Variants in NELL1 observed in about 807,000 individuals in gnomAD.
The protein encoded by NELL1 is neural EGFL like 1.
Under a neutral mutation model 107.4 loss-of-function variants are expected in NELL1, and 76 were observed. The ratio of observed to expected loss-of-function variants is 0.71; its 90% confidence interval spans 0.59 to 0.86. The LOEUF (loss-of-function observed/expected upper bound fraction) is 0.86, where lower values mean the gene tolerates loss of function less well. NELL1 is among the 40% of genes least tolerant of loss of function. NELL1 has a pLI of 0.00. For synonymous variants in NELL1, 353 were observed against 341.2 expected (o/e 1.03, Z -0.38); for missense variants, 1,024 against 1,005.5 (o/e 1.02, Z -0.25).
intron 14 of NELL1, among the ~76,000 whole-genome samples, chr11:21,251,995 A>C (rs2133911497): frequency 6.6e-6 from 1 of 152,298 alleles, no homozygotes; most frequent in South Asian, 2.1e-4. Flanking sequence ...ACACAGGCAC[A>C]CACAGAAATT....
At chr11:20,878,159 G>C (rs572587000) in intron 4 of NELL1, among the ~76,000 whole-genome samples, 2 of 151,938 alleles carry the variant, frequency 1.3e-5, no homozygotes, top group East Asian at 3.9e-4. Flanking sequence ...AGGAGATCGA[G>C]ACCATCCTGG....
chr11:21,174,181 G>A (rs574824562), intron 13 of NELL1, among the ~76,000 whole-genome samples: 1 of 151,792 alleles, frequency 6.6e-6, no homozygotes, highest in Non-Finnish European at 1.5e-5. Flanking sequence ...TCCAAACTGA[G>A]TCACTGCTGA....
At chr11:20,704,700 G>C (rs1334437655) in intron 2 of NELL1, among the ~76,000 whole-genome samples, 2 of 152,058 alleles carry the variant, frequency 1.3e-5, no homozygotes, top group Non-Finnish European at 2.9e-5. Flanking sequence ...GTCAGGCCTG[G>C]TGGTGACAAA....
At chr11:21,286,434 C>T (rs75681763) in intron 14 of NELL1, among the ~76,000 whole-genome samples, 4,517 of 152,268 alleles carry the variant, frequency 0.03, 237 homozygotes, top group African/African-American at 0.1. Context: ...AAGGCATGTT[C>T]TTTTCAAGTG....
chr11:20,964,870 A>G (rs1399851695), intron 12 of NELL1, among the ~76,000 whole-genome samples: 1 of 152,110 alleles, frequency 6.6e-6, no homozygotes, highest in East Asian at 1.9e-4. Context: ...CCTTTAGCTG[A>G]CATCCCAGAA....
chr11:20,771,784 G>A (rs550099133), intron 2 of NELL1, among the ~76,000 whole-genome samples: 13 of 152,158 alleles, frequency 8.5e-5, no homozygotes, highest in Admixed American at 5.9e-4. Flanking sequence ...CTTTTTGCCC[G>A]CGGAGCCACA....
intron 15 of NELL1, among the ~76,000 whole-genome samples, chr11:21,479,480 A>C (rs760039622): frequency 6.6e-6 from 1 of 152,176 alleles, no homozygotes; most frequent in Non-Finnish European, 1.5e-5. Context: ...TTGAGGAACT[A>C]CAAATTTAAA....
intron 14 of NELL1, among the ~76,000 whole-genome samples, chr11:21,244,557 A>G (rs758552616): frequency 3.3e-5 from 5 of 152,180 alleles, no homozygotes; most frequent in Non-Finnish European, 5.9e-5. Flanking sequence ...CACATCCCCA[A>G]ACATTATAAA....
intron 5 of NELL1, among the ~76,000 whole-genome samples, chr11:20,899,975 T>A (rs534825158): frequency 2.0e-5 from 3 of 152,192 alleles, no homozygotes; most frequent in Non-Finnish European, 4.4e-5. Context: ...TAGCTTTTGA[T>A]ATACAGCAAA....
chr11:21,308,936 T>C (rs1164196149), intron 14 of NELL1, among the ~76,000 whole-genome samples: 1 of 151,862 alleles, frequency 6.6e-6, no homozygotes, highest in Non-Finnish European at 1.5e-5. Context: ...AAGAAGGCTC[T>C]AAAATGCCTT....
intron 9 of NELL1, among the ~76,000 whole-genome samples, chr11:20,929,061 A>G (rs1490387678): frequency 6.6e-6 from 1 of 152,208 alleles, no homozygotes; most frequent in Admixed American, 6.5e-5. Context: ...AGGTATTATT[A>G]TTATCCCTAT....
intron 12 of NELL1, among the ~76,000 whole-genome samples, chr11:20,977,338 C>T (rs1369824621): frequency 2.0e-5 from 3 of 151,050 alleles, no homozygotes; most frequent in Non-Finnish European, 4.4e-5. Flanking sequence ...CATATCGCCT[C>T]ACTGCAAGCT....
chr11:21,011,734 T>G lies in NELL1; in HGVS notation c.1300+51174T>G, dbSNP rs191591408. Among the ~76,000 whole-genome samples the G allele has an allele frequency of 4.6e-5, 7 of 152,298 alleles. No individual in the cohort carries two copies. In the East Asian group the frequency reaches 1.4e-3, roughly 29 times the overall value. ...ATGCAGAGTATTTCTTTTAGGTTCT[T>G]AGTGAACACACTCATGTGTATAGTT... On this transcript the variant is annotated intron_variant, in intron 12 of 19. Coordinates refer to ENST00000357134, the MANE Select transcript of NELL1 (RefSeq NM_006157.5).
chr11:20,859,525 T>G (rs540221974), intron 4 of NELL1, among the ~76,000 whole-genome samples: 2 of 152,318 alleles, frequency 1.3e-5, no homozygotes, highest in South Asian at 4.1e-4. Context: ...AGCCATTTCT[T>G]CAAATGTGGA....
intron 14 of NELL1, among the ~76,000 whole-genome samples, chr11:21,315,835 G>A (rs989984585): frequency 4.0e-5 from 6 of 149,038 alleles, no homozygotes; most frequent in Non-Finnish European, 7.4e-5. Flanking sequence ...GTGAGTCAGT[G>A]AAAGGAATGA....
At chr11:20,677,791 T>A in intron 1 of NELL1, 141 bp from the exon 2 acceptor site, 1 of 956,442 alleles carries the variant, frequency 1.0e-6, no homozygotes, top group Non-Finnish European at 1.6e-6. Context: ...GATTTGCTTT[T>A]CTTTTCCCTC....
chr11:21,116,608 C>G (rs1373123638), intron 13 of NELL1, among the ~76,000 whole-genome samples: 2 of 152,072 alleles, frequency 1.3e-5, no homozygotes, highest in East Asian at 3.9e-4. Context: ...CCAGCAAAAG[C>G]ACCATTTACC....
chr11:20,933,400 A>T (rs1026686291), intron 9 of NELL1, among the ~76,000 whole-genome samples: 1 of 152,212 alleles, frequency 6.6e-6, no homozygotes, highest in African/African-American at 2.4e-5. Flanking sequence ...GATTAACAGA[A>T]ATAAGACAGG....
chr11:20,670,227 G>A (rs941952371), intron 1 of NELL1, among the ~76,000 whole-genome samples: 17 of 152,210 alleles, frequency 1.1e-4, no homozygotes, highest in Non-Finnish European at 1.2e-4. Context: ...TCCGGCTGGC[G>A]GGCGCGGCCG....
Sources: gnomAD v4.1 joint callset for allele counts (sites outside exome capture counted in the v4.1 genomes callset) on GRCh38, gnomAD v4.1.1 for gene constraint, MANE v1.5 for transcripts, NCBI Gene and HGNC (gene_info 2026-07-23, HGNC 2026-07-21) for gene names.